SHB: variants seen among roughly 807,000 people sequenced by gnomAD.
SHB encodes SH2 domain containing adaptor protein B.
In SHB, 20 loss-of-function variants were observed where a neutral mutation model predicts 52.3. The observed-to-expected ratio is 0.38, with a 90% CI of 0.27 to 0.56. The LOEUF (loss-of-function observed/expected upper bound fraction) is 0.56. Among genes scored for constraint, SHB ranks in the 20% least tolerant of loss-of-function variants. The probability of loss-of-function intolerance (pLI) is 0.71; values close to 1 mark genes in which losing one functional copy is unlikely to be tolerated. For missense variants in SHB, 825 were observed against 723.3 expected, an observed-to-expected ratio of 1.14 and a Z score of -1.61; for synonymous variants, 397 against 316.5, an observed-to-expected ratio of 1.25 and a Z score of -2.70.
intron 3 of SHB, among the ~76,000 whole-genome samples, chr9:37,956,352 T>G (rs1483443462): frequency 6.6e-6 from 1 of 151,976 alleles, no homozygotes; most frequent in African/African-American, 2.4e-5. Flanking sequence ...TGGCACTGCC[T>G]TCGGGGGGCA....
At position 37,916,209 on chromosome 9, in the gene SHB, G is replaced by A. The variant is rs969570415; in HGVS notation, c.*3612C>T. 2.6e-5 allele frequency among the ~76,000 whole-genome samples: 4 copies of A among 152,226 alleles called. No individual in the cohort carries two copies. The highest frequency in any genetic ancestry group is 2.1e-4 in the South Asian group (1 of 4,828). On this transcript the variant is annotated 3_prime_UTR_variant, in exon 6 of 6. Transcript: ENST00000377707. ...GGATGGCTTGCCGAATTTGGTCTTC[G>A]CTGATCACCAATTCTGGAAGGGTGG...
At chr9:38,005,226 C>T (rs977897184) in intron 2 of SHB, among the ~76,000 whole-genome samples, 4 of 152,208 alleles carry the variant, frequency 2.6e-5, no homozygotes, top group Non-Finnish European at 4.4e-5. Context: ...GCTTGGGAGA[C>T]GGCCCCTCTT....
chr9:38,052,856 T>C (rs906779269), intron 1 of SHB, among the ~76,000 whole-genome samples: 6 of 151,500 alleles, frequency 4.0e-5, no homozygotes, highest in African/African-American at 1.5e-4. Context: ...TCTCCCGGGA[T>C]GTCCTCCTCA....
rs1381456943 is a variant in SHB at position 38,069,123 on chromosome 9, A to C, written c.-478T>G. ...TGGGGAGAGCTCGGCCCCGCAGCGG[A>C]GGAGAATGCGGCCGGGAGAGACAGC... On this transcript the variant is annotated 5_prime_UTR_variant, in exon 1 of 6. Transcript: ENST00000377707. 1 of 151,464 alleles carries C rather than the reference A, an allele frequency of 6.6e-6. No individual in the cohort carries two copies. The highest frequency in any genetic ancestry group is 1.5e-5 in the Non-Finnish European group (1 of 67,794). 9.4% of individuals were successfully genotyped at this position (151,464 alleles called of 1,614,324 possible). A position where few individuals can be genotyped will look rare whatever the true frequency, so the allele number is the denominator to read the frequency against.
chr9:38,005,589 T>C (rs1237219284), intron 2 of SHB, among the ~76,000 whole-genome samples: 1 of 152,180 alleles, frequency 6.6e-6, no homozygotes, highest in Non-Finnish European at 1.5e-5. Context: ...CTTTCTCATC[T>C]GCAAAATGGA....
chr9:37,974,701 C>A lies in SHB; in HGVS notation c.975G>T (p.Leu325=). Residue 325 remains leucine, a synonymous_variant, in exon 3 of 6, where the codon CTG becomes CTT. Coordinates refer to ENST00000377707, the MANE Select transcript of SHB (RefSeq NM_003028.3). The part of the protein sequence containing the change: ...TVSPRLRESK[L]PQDDDRPADE... Reference sequence around the variant, plus strand: ...CGGCGGGCCTGTCGTCATCCTGGGGCAGCTTGCTCTCCCGCAGTCGGGGGC... The same window carrying A: ...CGGCGGGCCTGTCGTCATCCTGGGGAAGCTTGCTCTCCCGCAGTCGGGGGC... 6.2e-7 allele frequency: 1 copy of A among 1,614,072 alleles called. No homozygotes were observed. Among genetic ancestry groups the A allele is most frequent in the Non-Finnish European group, 8.5e-7 (1 of 1,180,000 alleles).
In SHB at chr9:38,039,789, C is replaced by T. The variant is rs116996917; in HGVS notation, c.718-23658G>A. ...GGCCCACCATCCCCTCCTGCCTCAG[C>T]GAGGGCAGCGGCTGGTCCAGTAGGC... On this transcript the variant is annotated intron_variant, in intron 1 of 5. Transcript: ENST00000377707. Among the ~76,000 whole-genome samples, 63 of 152,360 alleles carry T rather than the reference C, an allele frequency of 4.1e-4. 2 individuals carry two copies. In the East Asian group the frequency reaches 7.5e-3, roughly 18 times the overall value.
At chr9:37,985,746 G>C (rs1820798334) in intron 2 of SHB, among the ~76,000 whole-genome samples, 3 of 152,260 alleles carry the variant, frequency 2.0e-5, no homozygotes, top group Admixed American at 2.0e-4. Context: ...CCTGAGGCCA[G>C]ATGCTGAGCA....
intron 5 of SHB, among the ~76,000 whole-genome samples, chr9:37,947,613 G>C (rs1832507748): frequency 6.6e-6 from 1 of 152,214 alleles, no homozygotes; most frequent in Non-Finnish European, 1.5e-5. Flanking sequence ...CTCTCTCAGG[G>C]CAAAGCCCAG....
intron 4 of SHB, among the ~76,000 whole-genome samples, chr9:37,948,999 C>T (rs956691905): frequency 4.6e-5 from 7 of 152,214 alleles, no homozygotes; most frequent in Non-Finnish European, 8.8e-5. Context: ...CACAGACACT[C>T]AAGTCATCAC....
At chr9:37,997,607 C>T (rs1041133699) in intron 2 of SHB, among the ~76,000 whole-genome samples, 5 of 152,302 alleles carry the variant, frequency 3.3e-5, no homozygotes, top group African/African-American at 1.2e-4. Flanking sequence ...AGTGTAGAAG[C>T]TGGCACAGGA....
At chr9:37,942,965 GC>G (rs1025241144) in intron 5 of SHB, among the ~76,000 whole-genome samples, 4 of 152,114 alleles carry the variant, frequency 2.6e-5, no homozygotes, top group Admixed American at 1.3e-4. Flanking sequence ...GTACTCATGG[GC>G]CCCCTAGTTC....
intron 3 of SHB, among the ~76,000 whole-genome samples, chr9:37,973,046 C>T (rs1820610242): frequency 6.6e-6 from 1 of 152,172 alleles, no homozygotes; most frequent in African/African-American, 2.4e-5. Context: ...GGCTTTTCAT[C>T]TCTTAACATT....
intron 1 of SHB, among the ~76,000 whole-genome samples, chr9:38,061,412 T>C (rs573364500): frequency 2.0e-5 from 3 of 151,940 alleles, no homozygotes; most frequent in Non-Finnish European, 2.9e-5. Flanking sequence ...CCAGCCAGCA[T>C]GCGAGCTCTG....
At chr9:37,967,967 G>T (rs900694435) in intron 3 of SHB, among the ~76,000 whole-genome samples, 1 of 152,212 alleles carries the variant, frequency 6.6e-6, no homozygotes, top group African/African-American at 2.4e-5. Flanking sequence ...CGTTAGAACT[G>T]TTGCTGGAAT....
At chr9:38,037,661 C>T (rs1245269014) in intron 1 of SHB, among the ~76,000 whole-genome samples, 1 of 152,184 alleles carries the variant, frequency 6.6e-6, no homozygotes, top group African/African-American at 2.4e-5. Context: ...TCATTATCAT[C>T]GATTCAGCCC....
chr9:37,979,860 C>T (rs2266012), intron 2 of SHB, among the ~76,000 whole-genome samples: 87,099 of 152,002 alleles, frequency 0.57, 25,362 homozygotes, highest in East Asian at 0.77. Flanking sequence ...TTCCAATGCA[C>T]ACAAAAGTTA....
At chr9:37,946,106 G>A (rs1042252174) in intron 5 of SHB, among the ~76,000 whole-genome samples, 47 of 152,288 alleles carry the variant, frequency 3.1e-4, no homozygotes, top group Admixed American at 5.2e-4. Context: ...ATTGCCATAC[G>A]CAGTGCACAG....
chr9:37,946,976 T>C (rs979179398), intron 5 of SHB, among the ~76,000 whole-genome samples: 1 of 152,178 alleles, frequency 6.6e-6, no homozygotes, highest in African/African-American at 2.4e-5. Context: ...CCATTCACCT[T>C]GATGGCCCCA....
Sources: gnomAD v4.1 joint callset for allele counts (sites outside exome capture counted in the v4.1 genomes callset) on GRCh38, gnomAD v4.1.1 for gene constraint, MANE v1.5 for transcripts, NCBI Gene and HGNC (gene_info 2026-07-23, HGNC 2026-07-21) for gene names.